LAMP1: variants seen among roughly 807,000 people sequenced by gnomAD.
LAMP1 encodes lysosome associated membrane protein 1.
A neutral mutation model predicts 37.5 loss-of-function variants in LAMP1; 7 were observed. The observed-to-expected ratio is 0.19, with a 90% CI of 0.11 to 0.35. LAMP1 has a LOEUF of 0.35. LAMP1 is among the 10% of genes least tolerant of loss of function. The pLI, the probability that LAMP1 is intolerant of heterozygous loss-of-function variation, is 1.00. For synonymous variants in LAMP1, 236 were observed against 229.1 expected (o/e 1.03, Z -0.27); for missense variants, 537 against 552.8 (o/e 0.97, Z 0.29).
At chr13:113,319,359 A>T in intron 4 of LAMP1, 110 bp from the exon 5 acceptor site, 1 of 973,304 alleles carries the variant, frequency 1.0e-6, no homozygotes, top group Non-Finnish European at 1.5e-6. Context: ...AATAGTCACC[A>T]AGGACGCCAG....
intron 4 of LAMP1, 103 bp downstream of exon 4, chr13:113,310,970 C>T (rs1252758152): frequency 1.0e-6 from 1 of 973,486 alleles, no homozygotes. Context: ...TGGGCTCTGC[C>T]TGGAACGCGT....
At chr13:113,300,486 CAAAAAAAA>C (rs781688099) in intron 1 of LAMP1, among the ~76,000 whole-genome samples, 26 of 60,248 alleles carry the variant, frequency 4.3e-4, no homozygotes, top group South Asian at 1.2e-3. Flanking sequence ...AACTCAATGT[CAAAAAAAA>C]AAAAAAAAAA....
intron 1 of LAMP1, among the ~76,000 whole-genome samples, chr13:113,302,658 C>G (rs2042580519): frequency 6.6e-6 from 1 of 151,986 alleles, no homozygotes. Flanking sequence ...GAACTCCTAA[C>G]CTCAAGCAGT....
intron 4 of LAMP1, among the ~76,000 whole-genome samples, chr13:113,312,014 T>C (rs951449887): frequency 6.6e-6 from 1 of 152,184 alleles, no homozygotes; most frequent in African/African-American, 2.4e-5. Flanking sequence ...GCTAGAAATA[T>C]ATGGAGACAT....
intron 2 of LAMP1, among the ~76,000 whole-genome samples, chr13:113,308,389 A>G (rs1012934725): frequency 7.3e-6 from 1 of 136,194 alleles, no homozygotes; most frequent in Non-Finnish European, 1.5e-5. Flanking sequence ...CTGGAGTACA[A>G]TGGCGCGTTC....
Position 113,322,487 on chromosome 13 carries a change from C to A in LAMP1, c.*66C>A. On this transcript the variant is annotated 3_prime_UTR_variant, in exon 9 of 9. Transcript: ENST00000332556. The stretch of plus-strand genomic sequence containing the variant: ...CCTTTCTCTGGGCTTAGGGTCCTGT[C>A]GAAGGGGAGGCACACTTTCTGGCAA... The A allele has an allele frequency of 1.4e-6, 2 of 1,469,182 alleles. No individual in the cohort carries two copies. The highest frequency in any genetic ancestry group is 1.8e-6 in the Non-Finnish European group (2 of 1,090,184). The allele number at this position is 1,469,182 out of a possible 1,614,324, so 91.0% of individuals were successfully genotyped here.
chr13:113,314,003 T>C (rs2042646095), intron 4 of LAMP1, among the ~76,000 whole-genome samples: 1 of 114,220 alleles, frequency 8.8e-6, no homozygotes. Flanking sequence ...AGTGTGGAGA[T>C]GCCCGTGTGC....
In LAMP1 at chr13:113,301,640, AAAAAATATATATATATAT is replaced by A. The variant is rs1435891604; in HGVS notation, c.61+4147_61+4164del. 6.9e-4 allele frequency among the ~76,000 whole-genome samples: 52 copies of A among 75,058 alleles called. 2 individuals are homozygous for A. Among genetic ancestry groups the A allele is most frequent in the African/African-American group, 1.4e-3 (17 of 12,006 alleles). 49.2% of individuals were successfully genotyped at this position (75,058 alleles called of 152,430 possible). A position where few individuals can be genotyped will look rare whatever the true frequency, so the allele number is the denominator to read the frequency against. On this transcript the variant is annotated intron_variant, in intron 1 of 8. Coordinates refer to ENST00000332556, the MANE Select transcript of LAMP1 (RefSeq NM_005561.4). ...TCTGTTTCCATTTAAAAAAAAAAAAAAAAAATATATATATATATATATATATATATATATATATATATA... is the reference window on the plus strand; with the variant it reads ...TCTGTTTCCATTTAAAAAAAAAAAAAATATATATATATATATATATATATA...
rs1456856464 is a variant in LAMP1 at position 113,319,548 on chromosome 13, C to T, written c.642C>T (p.Pro214=). ...APPSPSPSPV[P]KSPSVDKYNV... ...CCAGCCCCTCGCCCTCACCCGTGCC[C>T]AAGAGCCCCTCTGTGGACAAGTACA... The change falls in exon 5 of 9, where the codon CCC becomes CCT. Residue 214 remains proline, a synonymous_variant. Coordinates refer to ENST00000332556, the MANE Select transcript of LAMP1 (RefSeq NM_005561.4). 2 of 1,613,910 alleles carry T rather than the reference C, an allele frequency of 1.2e-6. No homozygotes were observed. The highest frequency in any genetic ancestry group is 4.5e-5 in the East Asian group (2 of 44,896).
At chr13:113,306,834 CTT>C (rs780041684) in intron 2 of LAMP1, among the ~76,000 whole-genome samples, 63 of 80,150 alleles carry the variant, frequency 7.9e-4, no homozygotes, top group Admixed American at 4.1e-3. Context: ...GAACATTTTC[CTT>C]TTTTTTTTTT....
At chr13:113,318,555 A>G (rs1435105177) in intron 4 of LAMP1, among the ~76,000 whole-genome samples, 6 of 152,180 alleles carry the variant, frequency 3.9e-5, no homozygotes, top group African/African-American at 1.4e-4. Flanking sequence ...AAGACTCGGT[A>G]GAGCTCTACC....
chr13:113,301,423 C>A lies in LAMP1; in HGVS notation c.61+3928C>A, dbSNP rs375408651. ...ATTGCCTGAGCTCAGGAGTTCGAGACCAGCCTGGGCAATATGGTGAAATCC... is the reference window on the plus strand; with the variant it reads ...ATTGCCTGAGCTCAGGAGTTCGAGAACAGCCTGGGCAATATGGTGAAATCC... On this transcript the variant is annotated intron_variant, in intron 1 of 8. Transcript: ENST00000332556. Among the ~76,000 whole-genome samples, 4 of 151,722 alleles carry A rather than the reference C, an allele frequency of 2.6e-5. No individual in the cohort carries two copies. In the East Asian group the frequency reaches 7.7e-4, roughly 29 times the overall value.
intron 1 of LAMP1, among the ~76,000 whole-genome samples, chr13:113,304,550 C>T (rs540264528): frequency 6.6e-6 from 1 of 152,330 alleles, no homozygotes; most frequent in South Asian, 2.1e-4. Flanking sequence ...TATGATCCTG[C>T]CTCAGTGTTG....
In LAMP1 at chr13:113,310,692, T is replaced by A; in HGVS notation, c.404-17T>A. 6.5e-7 allele frequency: 1 copy of A among 1,548,056 alleles called. No individual in the cohort carries two copies. Among genetic ancestry groups the A allele is most frequent in the Non-Finnish European group, 8.7e-7 (1 of 1,147,934 alleles). On this transcript the variant is annotated splice_polypyrimidine_tract_variant and intron_variant, in intron 3 of 8. Transcript: ENST00000332556. Reference sequence around the variant, plus strand: ...GCAAGTAGTTTGCAATTGTGATTTTTTTTTTTTTTAATCTAGAAATCAAGA... The same window carrying A: ...GCAAGTAGTTTGCAATTGTGATTTTATTTTTTTTTAATCTAGAAATCAAGA...
At chr13:113,309,580 CT>C in intron 2 of LAMP1, 62 bp from the exon 3 acceptor site, 3 of 1,279,540 alleles carry the variant, frequency 2.3e-6, no homozygotes, top group South Asian at 1.3e-5. Flanking sequence ...CAGAAAATCT[CT>C]TTCTTTGAAC....
At chr13:113,311,771 TAAAAG>T (rs774901723) in intron 4 of LAMP1, among the ~76,000 whole-genome samples, 1 of 152,168 alleles carries the variant, frequency 6.6e-6, no homozygotes, top group Non-Finnish European at 1.5e-5. Context: ...TTGTTGGAAT[TAAAAG>T]AGAAATGTAT....
rs1203522595 is a variant in LAMP1, at chr13:113,323,095, G to A, written c.*674G>A. The A allele has an allele frequency of 1.3e-5, 2 of 152,374 alleles. No homozygotes were observed. Among genetic ancestry groups the A allele is most frequent in the Non-Finnish European group, 2.9e-5 (2 of 68,068 alleles). The allele number at this position is 152,374 out of a possible 1,614,324, so 9.4% of individuals were successfully genotyped here. On this transcript the variant is annotated 3_prime_UTR_variant, in exon 9 of 9. Coordinates refer to ENST00000332556, the MANE Select transcript of LAMP1 (RefSeq NM_005561.4). ...AGACAGAGGAACTCCAGAGATGAGT[G>A]TCTGGAGCGCTTCAGTTCAGCTTTA...
intron 1 of LAMP1, among the ~76,000 whole-genome samples, chr13:113,299,413 C>T (rs1285884201): frequency 1.3e-5 from 2 of 151,460 alleles, no homozygotes; most frequent in Non-Finnish European, 1.5e-5. Context: ...TACAGGCACC[C>T]GCCACTATGC....
In LAMP1 at chr13:113,319,575, C is replaced by T. The variant is rs544828159; in HGVS notation, c.669C>T (p.Asn223=). Residue 223 remains asparagine (N), a synonymous_variant, in exon 5 of 9, where the codon AAC becomes AAT. Transcript: ENST00000332556. ...VPKSPSVDKY[N]VSGTNGTCLL... is the part of the protein sequence containing the mutation. ...AGAGCCCCTCTGTGGACAAGTACAA[C>T]GTGAGCGGCACCAACGGGACCTGCC... is the stretch of plus-strand genomic sequence containing the variant. 6.4e-5 allele frequency: 103 copies of T among 1,613,872 alleles called. No individual in the cohort carries two copies. Among genetic ancestry groups the T allele is most frequent in the Non-Finnish European group, 8.1e-5 (95 of 1,180,038 alleles).
Sources: gnomAD v4.1 joint callset for allele counts (sites outside exome capture counted in the v4.1 genomes callset) on GRCh38, gnomAD v4.1.1 for gene constraint, MANE v1.5 for transcripts, NCBI Gene and HGNC (gene_info 2026-07-23, HGNC 2026-07-21) for gene names.